Variants in FBXL17 observed in about 807,000 individuals in gnomAD.
FBXL17 encodes F-box/LRR-repeat protein 17.
In FBXL17, 22 loss-of-function variants were observed where a neutral mutation model predicts 66.2. The ratio of observed to expected loss-of-function variants is 0.33; its 90% CI spans 0.24 to 0.47. The LOEUF (loss-of-function observed/expected upper bound fraction) is 0.47. Ranked by LOEUF, FBXL17 falls within the 20% of genes least tolerant of loss-of-function variation. FBXL17 has a pLI of 1.00. For missense variants in FBXL17, 878 were observed against 948.2 expected (o/e 0.93, Z 0.97); for synonymous variants, 474 against 400.5 (o/e 1.18, Z -2.19).
At chr5:108,354,139 A>G (rs1447117011) in intron 3 of FBXL17, among the ~76,000 whole-genome samples, 1 of 152,190 alleles carries the variant, frequency 6.6e-6, no homozygotes, top group African/African-American at 2.4e-5. Flanking sequence ...TGAATTAGGG[A>G]CATTCAACCT....
chr5:108,053,258 C>T (rs916341622), intron 6 of FBXL17, among the ~76,000 whole-genome samples: 4 of 151,904 alleles, frequency 2.6e-5, no homozygotes, highest in African/African-American at 9.7e-5. Context: ...AGTGAACAGG[C>T]AACCTAAAGA....
intron 6 of FBXL17, among the ~76,000 whole-genome samples, chr5:108,134,413 A>C (rs916950873): frequency 3.3e-5 from 5 of 152,162 alleles, no homozygotes; most frequent in Non-Finnish European, 4.4e-5. Flanking sequence ...GGTTTTCTTA[A>C]ACCGGGGACA....
chr5:107,933,450 A>G (rs1485362462), intron 7 of FBXL17, among the ~76,000 whole-genome samples: 1 of 152,198 alleles, frequency 6.6e-6, no homozygotes, highest in Non-Finnish European at 1.5e-5. Context: ...ATTGGACTTA[A>G]GACAATATGA....
At chr5:107,985,162 G>C (rs1049193955) in intron 7 of FBXL17, among the ~76,000 whole-genome samples, 1 of 152,200 alleles carries the variant, frequency 6.6e-6, no homozygotes, top group African/African-American at 2.4e-5. Context: ...CTTAACATTT[G>C]ATAATCCATG....
chr5:108,219,665 CA>C (rs1190513662), intron 5 of FBXL17, among the ~76,000 whole-genome samples: 2 of 151,872 alleles, frequency 1.3e-5, no homozygotes, highest in Admixed American at 6.6e-5. Context: ...GCCTGGGCAA[CA>C]AGATTGAAAC....
intron 6 of FBXL17, among the ~76,000 whole-genome samples, chr5:108,122,962 A>G (rs1207541687): frequency 1.3e-5 from 2 of 151,892 alleles, no homozygotes; most frequent in African/African-American, 4.8e-5. Context: ...CCGCCAACAC[A>G]TGACCTTAAT....
intron 4 of FBXL17, among the ~76,000 whole-genome samples, chr5:108,243,134 A>AGATT (rs1334043225): frequency 6.6e-6 from 1 of 152,176 alleles, no homozygotes; most frequent in Non-Finnish European, 1.5e-5. Context: ...TGATAAAAAG[A>AGATT]GATTGATAAG....
intron 6 of FBXL17, among the ~76,000 whole-genome samples, chr5:108,126,651 C>CTATATA (rs1165177851): frequency 1.6e-4 from 17 of 108,034 alleles, no homozygotes; most frequent in African/African-American, 4.6e-4. Flanking sequence ...CTCTCTCTCT[C>CTATATA]TATATATATA....
At chr5:108,336,635 A>G (rs1198449493) in intron 4 of FBXL17, among the ~76,000 whole-genome samples, 3 of 152,144 alleles carry the variant, frequency 2.0e-5, no homozygotes, top group African/African-American at 7.2e-5. Flanking sequence ...ATAACTCAGT[A>G]AATAAAAATG....
At position 108,295,594 on chromosome 5, in the gene FBXL17, TCAAA is replaced by T. The variant is rs1323481028; in HGVS notation, c.1506+52801_1506+52804del. Among the ~76,000 whole-genome samples the T allele has an allele frequency of 6.6e-5, 10 of 152,044 alleles. No homozygotes were observed. In the East Asian group the frequency reaches 1.4e-3, roughly 21 times the overall value. On this transcript the variant is annotated intron_variant, in intron 4 of 8. Coordinates refer to ENST00000542267, the MANE Select transcript of FBXL17 (RefSeq NM_001163315.3). ...ATCCTTAAGACTTGAAATTGACAGA[TCAAA>T]CAAACAAATCAGTTACTGTTTTCAA...
At chr5:107,971,552 CCT>C (rs1353168163) in intron 7 of FBXL17, among the ~76,000 whole-genome samples, 4 of 152,016 alleles carry the variant, frequency 2.6e-5, no homozygotes, top group Admixed American at 2.6e-4. Context: ...AGTGTTCGCC[CCT>C]GATTCTCTTT....
chr5:108,141,039 G>T (rs532825108), intron 6 of FBXL17, among the ~76,000 whole-genome samples: 1 of 152,146 alleles, frequency 6.6e-6, no homozygotes, highest in South Asian at 2.1e-4. Flanking sequence ...GAAATGTGAT[G>T]ATATCATTCC....
At chr5:108,285,215 G>T (rs1212848115) in intron 4 of FBXL17, among the ~76,000 whole-genome samples, 1 of 151,794 alleles carries the variant, frequency 6.6e-6, no homozygotes, top group East Asian at 1.9e-4. Context: ...CAGATCTACA[G>T]TTACTTCCTC....
intron 4 of FBXL17, among the ~76,000 whole-genome samples, chr5:108,308,912 G>C (rs1168709308): frequency 6.6e-6 from 1 of 151,998 alleles, no homozygotes; most frequent in Non-Finnish European, 1.5e-5. Flanking sequence ...CTTCCTGAAA[G>C]GTAATCTGCC....
chr5:108,381,980 G>T lies in FBXL17; in HGVS notation c.-289C>A, dbSNP rs958126091. On this transcript the variant is annotated 5_prime_UTR_variant, in exon 1 of 9. Transcript: ENST00000542267. ...GAGCGAGCGAGCCTGCCGGCTAGGC[G>T]ACCAGTCCGGGCCCGGCCAGCCGGC... The T allele has an allele frequency of 4.1e-6, 5 of 1,212,610 alleles. No homozygotes were observed. In the African/African-American group the frequency reaches 6.3e-5, roughly 15 times the overall value. 75.1% of individuals were successfully genotyped at this position (1,212,610 alleles called of 1,614,324 possible).
chr5:108,063,306 G>A (rs1354227722), intron 6 of FBXL17, among the ~76,000 whole-genome samples: 2 of 152,168 alleles, frequency 1.3e-5, no homozygotes, highest in Non-Finnish European at 2.9e-5. Context: ...CCAAGAAAAG[G>A]AGACACCATA....
intron 5 of FBXL17, among the ~76,000 whole-genome samples, chr5:108,187,408 AG>A (rs746434566): frequency 5.3e-5 from 8 of 152,196 alleles, no homozygotes; most frequent in Non-Finnish European, 1.0e-4. Context: ...ATGTGATTAA[AG>A]GTATGGATCT....
intron 6 of FBXL17, among the ~76,000 whole-genome samples, chr5:108,184,800 C>T (rs1184231100): frequency 6.8e-6 from 1 of 146,160 alleles, no homozygotes; most frequent in Non-Finnish European, 1.5e-5. Context: ...AAAGCATTAT[C>T]TGACACAAAT....
intron 6 of FBXL17, among the ~76,000 whole-genome samples, chr5:108,076,091 T>C (rs191009501): frequency 6.6e-6 from 1 of 152,352 alleles, no homozygotes; most frequent in East Asian, 1.9e-4. Context: ...CTGGGTTGTT[T>C]AGTGAGACAG....
Sources: allele counts gnomAD v4.1 joint callset (sites outside exome capture counted in the v4.1 genomes callset), GRCh38; gene constraint gnomAD v4.1.1; transcripts MANE v1.5; gene names NCBI Gene and HGNC (gene_info 2026-07-23, HGNC 2026-07-21).